Variants in ZRANB3 observed in about 807,000 individuals in gnomAD.
ZRANB3 encodes DNA annealing helicase and endonuclease ZRANB3.
Under a neutral mutation model 133.8 loss-of-function variants are expected in ZRANB3, and 125 were observed. The observed-to-expected ratio is 0.93, with a 90% CI of 0.81 to 1.08. The LOEUF is 1.08. ZRANB3 is among the 50% of genes least tolerant of loss of function. The probability of loss-of-function intolerance (pLI) is 0.00; values close to 1 mark genes in which losing one functional copy is unlikely to be tolerated. For missense variants in ZRANB3, 1,229 were observed against 1,275.5 expected (o/e 0.96, Z 0.56); for synonymous variants, 387 against 432.7 (o/e 0.89, Z 1.31).
chr2:135,465,877 C>G (rs899469265), intron 2 of ZRANB3, among the ~76,000 whole-genome samples: 6 of 152,044 alleles, frequency 3.9e-5, no homozygotes, highest in Non-Finnish European at 8.8e-5. Flanking sequence ...CAGACACTTG[C>G]CAAAAGAAGA....
chr2:135,495,946 T>A (rs1692641724), intron 2 of ZRANB3, among the ~76,000 whole-genome samples: 1 of 152,214 alleles, frequency 6.6e-6, no homozygotes, highest in South Asian at 2.1e-4. Context: ...AAATTAATGA[T>A]CAAAATTCAT....
intron 6 of ZRANB3, among the ~76,000 whole-genome samples, chr2:135,322,472 T>C (rs1683576116): frequency 6.6e-6 from 1 of 151,916 alleles, no homozygotes; most frequent in Non-Finnish European, 1.5e-5. Flanking sequence ...TCCCAACACT[T>C]TGGGAGGTCA....
intron 6 of ZRANB3, among the ~76,000 whole-genome samples, chr2:135,332,843 T>C (rs1408936234): frequency 6.6e-6 from 1 of 152,228 alleles, no homozygotes; most frequent in Non-Finnish European, 1.5e-5. Flanking sequence ...TCTTCACATC[T>C]TTCCTCAGCC....
At chr2:135,417,820 T>A (rs945561032) in intron 2 of ZRANB3, among the ~76,000 whole-genome samples, 1 of 152,096 alleles carries the variant, frequency 6.6e-6, no homozygotes, top group African/African-American at 2.4e-5. Context: ...AGGGACTGGA[T>A]GAAATTGGAA....
At chr2:135,493,567 AT>A (rs1692516931) in intron 2 of ZRANB3, among the ~76,000 whole-genome samples, 1 of 152,176 alleles carries the variant, frequency 6.6e-6, no homozygotes, top group East Asian at 1.9e-4. Context: ...TCAGGGAAAC[AT>A]GTTCAATATT....
intron 2 of ZRANB3, among the ~76,000 whole-genome samples, chr2:135,499,591 T>C (rs1692845440): frequency 6.6e-6 from 1 of 152,182 alleles, no homozygotes; most frequent in African/African-American, 2.4e-5. Context: ...CTAATAAGCG[T>C]ATGACAAGGT....
intron 2 of ZRANB3, among the ~76,000 whole-genome samples, chr2:135,417,540 G>A (rs1358994742): frequency 2.0e-5 from 3 of 152,186 alleles, no homozygotes; most frequent in Admixed American, 2.0e-4. Flanking sequence ...AGCCATTGTG[G>A]AAATCAGGGT....
At chr2:135,323,670 T>C (rs1348555616) in intron 6 of ZRANB3, among the ~76,000 whole-genome samples, 2 of 152,082 alleles carry the variant, frequency 1.3e-5, no homozygotes, top group Non-Finnish European at 2.9e-5. Flanking sequence ...ATAAATAAAA[T>C]TGATTCAAAA....
At chr2:135,501,793 A>G (rs1450930149) in intron 2 of ZRANB3, among the ~76,000 whole-genome samples, 1 of 152,182 alleles carries the variant, frequency 6.6e-6, no homozygotes, top group Non-Finnish European at 1.5e-5. Flanking sequence ...CCTAGATCAA[A>G]TGTTTCCAGT....
At chr2:135,263,483 A>G (rs1680065496) in intron 12 of ZRANB3, among the ~76,000 whole-genome samples, 1 of 152,216 alleles carries the variant, frequency 6.6e-6, no homozygotes, top group Non-Finnish European at 1.5e-5. Context: ...ACGATAGCCC[A>G]GAGGAACAAC....
Position 135,198,702 on chromosome 2 carries a change from C to A in ZRANB3, c.*1640G>T, listed in dbSNP as rs1214244235. 6.6e-6 allele frequency: 1 copy of A among 152,166 alleles called. No homozygotes were observed. Among genetic ancestry groups the A allele is most frequent in the Non-Finnish European group, 1.5e-5 (1 of 68,048 alleles). 9.4% of individuals were successfully genotyped at this position (152,166 alleles called of 1,614,324 possible). ...TCAACCGTGACAAATCCTAGGTTACCTTGGAAATGAGGCAGAAAACTGCAA... is the reference window on the plus strand; with the variant it reads ...TCAACCGTGACAAATCCTAGGTTACATTGGAAATGAGGCAGAAAACTGCAA... On this transcript the variant is annotated 3_prime_UTR_variant, in exon 21 of 21. Coordinates refer to ENST00000264159, the MANE Select transcript of ZRANB3 (RefSeq NM_032143.4).
chr2:135,499,021 C>A (rs1382115887), intron 2 of ZRANB3, among the ~76,000 whole-genome samples: 1 of 152,158 alleles, frequency 6.6e-6, no homozygotes, highest in Non-Finnish European at 1.5e-5. Flanking sequence ...CCTTGTGAAG[C>A]ATGGGATCTC....
intron 1 of ZRANB3, chr2:135,511,141 T>C: frequency 2.6e-6 from 2 of 773,214 alleles, no homozygotes; most frequent in Non-Finnish European, 4.8e-6. Flanking sequence ...GGTATCCCAG[T>C]AACTGGAACA....
intron 2 of ZRANB3, among the ~76,000 whole-genome samples, chr2:135,394,325 T>G (rs1351657638): frequency 1.3e-5 from 2 of 151,980 alleles, no homozygotes; most frequent in Non-Finnish European, 2.9e-5. Flanking sequence ...TAACATAGAT[T>G]CAAGATAGGA....
At chr2:135,429,561 C>T (rs1292446536) in intron 2 of ZRANB3, among the ~76,000 whole-genome samples, 1 of 151,768 alleles carries the variant, frequency 6.6e-6, no homozygotes, top group Non-Finnish European at 1.5e-5. Context: ...ATTTATCTAA[C>T]CAAAATTATA....
rs1223861749 is a variant in ZRANB3 at position 135,342,096 on chromosome 2, C to G, written c.677+3454G>C. ...TTTGAAAATCGCTAATAAAAACTTG[C>G]TGGTTTTACGGCTCAGGGGGCATCA... On this transcript the variant is annotated intron_variant, in intron 6 of 20. Transcript: ENST00000264159. 1.3e-5 allele frequency among the ~76,000 whole-genome samples: 2 copies of G among 149,930 alleles called. 1 individual carries two copies. Among genetic ancestry groups the G allele is most frequent in the African/African-American group, 5.1e-5 (2 of 39,266 alleles).
At chr2:135,235,070 A>C (rs956481434) in intron 12 of ZRANB3, among the ~76,000 whole-genome samples, 3 of 152,178 alleles carry the variant, frequency 2.0e-5, no homozygotes, top group African/African-American at 7.2e-5. Context: ...AAAGAGAAGA[A>C]TCAAATAGAC....
intron 2 of ZRANB3, among the ~76,000 whole-genome samples, chr2:135,462,083 GACTAAAA>G: frequency 6.6e-6 from 1 of 152,150 alleles, no homozygotes; most frequent in East Asian, 1.9e-4. Context: ...ATTTAAAGTA[GACTAAAA>G]ACATTAATTA....
At chr2:135,442,025 AC>A (rs1465505014) in intron 2 of ZRANB3, among the ~76,000 whole-genome samples, 2 of 152,164 alleles carry the variant, frequency 1.3e-5, no homozygotes, top group Non-Finnish European at 2.9e-5. Context: ...CCTTCCTTAC[AC>A]CTTATATAAA....
Sources: gnomAD v4.1 joint callset for allele counts (sites outside exome capture counted in the v4.1 genomes callset) on GRCh38, gnomAD v4.1.1 for gene constraint, MANE v1.5 for transcripts, NCBI Gene and HGNC (gene_info 2026-07-23, HGNC 2026-07-21) for gene names.